The following RINT1 variants were observed in gnomAD, a reference collection of about 807,000 sequenced individuals.
The protein encoded by RINT1 is RAD50 interactor 1, also known as RAD50-interacting protein 1.
A neutral mutation model predicts 97.7 loss-of-function variants in RINT1; 75 were observed. The ratio of observed to expected loss-of-function variants is 0.77; its 90% CI spans 0.64 to 0.93. The LOEUF is 0.93. RINT1 is among the 40% of genes least tolerant of loss of function. The pLI, the probability that RINT1 is intolerant of heterozygous loss-of-function variation, is 0.00. For synonymous variants in RINT1, 303 were observed against 326.3 expected (o/e 0.93, Z 0.77); for missense variants, 892 against 925.2 (o/e 0.96, Z 0.47).
Position 105,567,099 on chromosome 7 carries a change from C to T in RINT1, c.2187-20C>T. 1 of 1,453,978 alleles carries T rather than the reference C, an allele frequency of 6.9e-7. No individual in the cohort carries two copies. Among genetic ancestry groups the T allele is most frequent in the Middle Eastern group, 1.8e-4 (1 of 5,474 alleles). 90.1% of individuals were successfully genotyped at this position (1,453,978 alleles called of 1,614,324 possible). ...CAGATAATGGAGATCTCATTTCCCTCCTTTGTTTTCCCTAAACAGTATAAA... is the reference window on the plus strand; with the variant it reads ...CAGATAATGGAGATCTCATTTCCCTTCTTTGTTTTCCCTAAACAGTATAAA... On this transcript the variant is annotated intron_variant, in intron 14 of 14. Coordinates refer to ENST00000257700, the MANE Select transcript of RINT1 (RefSeq NM_021930.6).
chr7:105,556,255 C>T (rs558426442), intron 11 of RINT1, among the ~76,000 whole-genome samples: 7 of 151,628 alleles, frequency 4.6e-5, no homozygotes, highest in East Asian at 1.9e-4. Context: ...GTAGTAGAGA[C>T]GAGTTTTCAC....
At chr7:105,551,934 GGT>G (rs1486062527) in intron 10 of RINT1, among the ~76,000 whole-genome samples, 1 of 152,070 alleles carries the variant, frequency 6.6e-6, no homozygotes, top group Non-Finnish European at 1.5e-5. Flanking sequence ...CAGTTGTGGT[GGT>G]GTGTGCCTGT....
At chr7:105,532,692 C>A in intron 1 of RINT1, 132 bp from the exon 2 acceptor site, 1 of 966,610 alleles carries the variant, frequency 1.0e-6, no homozygotes, top group Non-Finnish European at 1.7e-6. Context: ...ATTCGGACGG[C>A]CCTGGTCGCT....
At chr7:105,543,987 C>T (rs1047778716) in intron 4 of RINT1, among the ~76,000 whole-genome samples, 2 of 151,352 alleles carry the variant, frequency 1.3e-5, no homozygotes, top group Non-Finnish European at 2.9e-5. Context: ...GTAATCCCAG[C>T]TACTTGGGAG....
chr7:105,552,201 A>C (rs1437688290), intron 10 of RINT1, among the ~76,000 whole-genome samples: 1 of 152,202 alleles, frequency 6.6e-6, no homozygotes, highest in Non-Finnish European at 1.5e-5. Flanking sequence ...TTAAGGATTT[A>C]AACATTGGTA....
At chr7:105,545,503 C>T (rs1790625961) in intron 4 of RINT1, among the ~76,000 whole-genome samples, 1 of 146,020 alleles carries the variant, frequency 6.8e-6, no homozygotes, top group Non-Finnish European at 1.5e-5. Flanking sequence ...TGAAATTCTT[C>T]TGTAATATTT....
At chr7:105,547,443 T>C in intron 6 of RINT1, 110 bp downstream of exon 6, 1 of 1,096,076 alleles carries the variant, frequency 9.1e-7, no homozygotes, top group Non-Finnish European at 1.3e-6. Flanking sequence ...ATAAGAATCC[T>C]GTGTTTGGAC....
intron 1 of RINT1, 125 bp from the exon 2 acceptor site, chr7:105,532,699 C>T: frequency 1.9e-6 from 2 of 1,032,422 alleles, no homozygotes; most frequent in East Asian, 2.4e-5. Flanking sequence ...CGGCCCTGGT[C>T]GCTCAGAAAG....
intron 10 of RINT1, among the ~76,000 whole-genome samples, chr7:105,553,981 C>T (rs2133421337): frequency 6.8e-6 from 1 of 148,090 alleles, no homozygotes; most frequent in East Asian, 2.0e-4. Flanking sequence ...TCACCGCAAG[C>T]TCTGCCTCCC....
rs1278687301 is a variant in RINT1, at chr7:105,547,006, A to G, written c.612A>G (p.Ser204=). The G allele has an allele frequency of 6.2e-7, 1 of 1,614,008 alleles. No homozygotes were observed. The highest frequency in any genetic ancestry group is 2.2e-5 in the East Asian group (1 of 44,878). The change falls in exon 5 of 15, where the codon TCA becomes TCG. Residue 204 remains serine (S), a synonymous_variant. Transcript: ENST00000257700. ...MAELDIKLQE[S]SCTHLLGFMR... is the part of the protein sequence containing the mutation. ...AACTTGACATTAAACTTCAGGAATC[A>G]TCTTGTACTCATCTTCTTGGTTTCA...
At chr7:105,547,123 A>G (rs1240268680) in intron 5 of RINT1, 40 bp downstream of exon 5, 3 of 1,613,084 alleles carry the variant, frequency 1.9e-6, no homozygotes, top group Non-Finnish European at 2.5e-6. Context: ...TTGCTTTCCG[A>G]TGGGTATTTG....
Position 105,567,133 on chromosome 7 carries a change from G to C in RINT1, c.2201G>C (p.Cys734Ser), listed in dbSNP as rs1181576246. ...TCCCTAAACAGTATAAAAGAAGCCT[G>C]TATTGTTTTGAATTTGAACGTCGGT... ...ENYFKHIKEA[C>S]IVLNLNVGSA... The change falls in exon 15 of 15, where the codon TGT (cysteine) becomes TCT (serine). Residue 734 changes from cysteine (C) to serine (S), a missense_variant. Coordinates refer to ENST00000257700, the MANE Select transcript of RINT1 (RefSeq NM_021930.6). 6.4e-7 allele frequency: 1 copy of C among 1,574,322 alleles called. No homozygotes were observed. Among genetic ancestry groups the C allele is most frequent in the Non-Finnish European group, 8.6e-7 (1 of 1,164,950 alleles).
rs1180637078 is a variant in RINT1 at position 105,555,081 on chromosome 7, C to G, written c.1525C>G (p.Gln509Glu). The G allele has an allele frequency of 6.2e-7, 1 of 1,613,966 alleles. No homozygotes were observed. Among genetic ancestry groups the G allele is most frequent in the East Asian group, 2.2e-5 (1 of 44,842 alleles). Residue 509 changes from glutamine to glutamate, a missense_variant, in exon 11 of 15, where the codon CAG becomes GAG. Gln to Glu is a conservative substitution (Grantham distance 29). Coordinates refer to ENST00000257700, the MANE Select transcript of RINT1 (RefSeq NM_021930.6). Reference sequence around the variant, plus strand: ...CCGAAAGCTTCAGTTCCTGGAGTTACAGAAGGACTTAGTAGATGATTTTAG... The same window carrying G: ...CCGAAAGCTTCAGTTCCTGGAGTTAGAGAAGGACTTAGTAGATGATTTTAG... The part of the protein sequence containing the change: ...ASRKLQFLEL[Q>E]KDLVDDFRIR...
chr7:105,558,786 C>CCTGT (rs1478457959), intron 11 of RINT1, among the ~76,000 whole-genome samples: 1 of 147,134 alleles, frequency 6.8e-6, no homozygotes, highest in Non-Finnish European at 1.5e-5. Flanking sequence ...ATAGGGAGAC[C>CCTGT]CTGTCTCTAC....
Position 105,555,010 on chromosome 7 carries a change from T to C in RINT1, c.1472-18T>C. 6.2e-7 allele frequency: 1 copy of C among 1,606,608 alleles called. No individual in the cohort carries two copies. The highest frequency in any genetic ancestry group is 8.5e-7 in the Non-Finnish European group (1 of 1,174,848). On this transcript the variant is annotated intron_variant, in intron 10 of 14. Coordinates refer to ENST00000257700, the MANE Select transcript of RINT1 (RefSeq NM_021930.6). ...ATGGTACCAAAACCTTCATATGTCT[T>C]AATAACTTTTTCCACAGACAGGTAT...
Position 105,567,212 on chromosome 7 carries a change from C to A in RINT1, c.2280C>A (p.Ala760=). 1 of 1,613,132 alleles carries A rather than the reference C, an allele frequency of 6.2e-7. No individual in the cohort carries two copies. The highest frequency in any genetic ancestry group is 8.5e-7 in the Non-Finnish European group (1 of 1,179,600). ...AGTCAGCTTCAGGGCAGCTTCCTGC[C>A]ACAGCAGCATTAAATGAAGTTGGAA... is the stretch of plus-strand genomic sequence containing the variant. ...VLQSASGQLP[A]TAALNEVGIY... The change falls in exon 15 of 15, where the codon GCC becomes GCA. Residue 760 remains alanine (A), a synonymous_variant. Transcript: ENST00000257700.
chr7:105,542,513 C>A lies in RINT1; in HGVS notation c.379C>A (p.Leu127Ile). The A allele has an allele frequency of 1.2e-6, 2 of 1,614,158 alleles. No homozygotes were observed. The highest frequency in any genetic ancestry group is 1.7e-6 in the Non-Finnish European group (2 of 1,180,022). Residue 127 changes from leucine to isoleucine, a missense_variant, in exon 4 of 15, where the codon CTC becomes ATC. Coordinates refer to ENST00000257700, the MANE Select transcript of RINT1 (RefSeq NM_021930.6). The stretch of plus-strand genomic sequence containing the variant: ...TCAGTTTCTGGAGCAGGAAACTCAT[C>A]TCTTCAGCGCCATTAACAGCCATTT... ...LNQFLEQETHLFSAINSHLLT... is the reference protein window; with the variant it reads ...LNQFLEQETHIFSAINSHLLT...
intron 11 of RINT1, among the ~76,000 whole-genome samples, chr7:105,561,895 G>A (rs113141501): frequency 0.051 from 7,689 of 151,896 alleles, 684 homozygotes; most frequent in African/African-American, 0.17. Flanking sequence ...CATGATTACC[G>A]TACACAGAAG....
At position 105,542,533 on chromosome 7, in the gene RINT1, C is replaced by T. The variant is rs77550260; in HGVS notation, c.399C>T (p.Ser133=). The T allele has an allele frequency of 1.0e-4, 164 of 1,614,160 alleles. 1 individual carries two copies. The highest frequency in any genetic ancestry group is 1.4e-4 in the Non-Finnish European group (160 of 1,180,014). Residue 133 remains serine (S), a synonymous_variant, in exon 4 of 15, where the codon AGC becomes AGT. Coordinates refer to ENST00000257700, the MANE Select transcript of RINT1 (RefSeq NM_021930.6). ...CTCATCTCTTCAGCGCCATTAACAGCCATTTGCTGACTGCGCAACCTTGGA... is the reference window on the plus strand; with the variant it reads ...CTCATCTCTTCAGCGCCATTAACAGTCATTTGCTGACTGCGCAACCTTGGA... ...QETHLFSAIN[S]HLLTAQPWMD...
Sources: allele counts gnomAD v4.1 joint callset (sites outside exome capture counted in the v4.1 genomes callset), GRCh38; gene constraint gnomAD v4.1.1; transcripts MANE v1.5; gene names NCBI Gene and HGNC (gene_info 2026-07-23, HGNC 2026-07-21).